The following FBXO25 variants were observed in gnomAD, a reference collection of about 807,000 sequenced individuals.
FBXO25 encodes F-box protein 25, also known as F-box only protein 25.
A neutral mutation model predicts 51.9 loss-of-function variants in FBXO25; 45 were observed. The observed-to-expected ratio is 0.87, with a 90% CI of 0.68 to 1.11. The LOEUF is 1.11. FBXO25 is among the 50% of genes most tolerant of loss of function. The probability of loss-of-function intolerance (pLI) is 0.00; values close to 1 mark genes in which losing one functional copy is unlikely to be tolerated. For missense variants in FBXO25, 507 were observed against 428.5 expected (o/e 1.18, Z -1.62); for synonymous variants, 199 against 151.0 (o/e 1.32, Z -2.33).
chr8:468,601 C>G (rs10111550), intron 9 of FBXO25, 114 bp from the exon 10 acceptor site: 1 of 744,506 alleles, frequency 1.3e-6, no homozygotes, highest in Non-Finnish European at 2.3e-6. Flanking sequence ...CCATGTACCT[C>G]TGAGGTGGGG....
intron 5 of FBXO25, among the ~76,000 whole-genome samples, chr8:442,209 G>A (rs1218278199): frequency 6.6e-6 from 1 of 151,892 alleles, no homozygotes; most frequent in African/African-American, 2.4e-5. Context: ...GTAGGCACTT[G>A]TTATTCCTAA....
chr8:474,894 C>G lies in FBXO25; in HGVS notation c.*6090C>G, dbSNP rs117701269. ...TCATATCTAAGAAATCACTGCCTCA[C>G]CCTTTTCAGATATATCATTTTAAAA... On this transcript the variant is annotated 3_prime_UTR_variant, in exon 10 of 10. Transcript: ENST00000350302. The G allele has an allele frequency of 1.7e-4, 78 of 447,592 alleles. 3 individuals carry two copies. In the East Asian group the frequency reaches 5.4e-3, roughly 31 times the overall value. 27.7% of individuals were successfully genotyped at this position (447,592 alleles called of 1,614,324 possible). A position where few individuals can be genotyped will look rare whatever the true frequency, so the allele number is the denominator to read the frequency against.
intron 1 of FBXO25, among the ~76,000 whole-genome samples, chr8:410,936 G>A (rs913059920): frequency 2.6e-5 from 4 of 152,096 alleles, no homozygotes; most frequent in Non-Finnish European, 5.9e-5. Context: ...GTTGATCCAG[G>A]AATATTGTTG....
intron 7 of FBXO25, 68 bp from the exon 8 acceptor site, chr8:458,301 T>C: frequency 6.6e-7 from 1 of 1,525,334 alleles, no homozygotes; most frequent in Non-Finnish European, 9.0e-7. Flanking sequence ...CCAGCTTGAC[T>C]CTTCAGTTAC....
At position 476,675 on chromosome 8, in the gene FBXO25, C is replaced by T. The variant is rs1337194660; in HGVS notation, c.*7871C>T. 6.6e-6 allele frequency: 1 copy of T among 152,040 alleles called. No homozygotes were observed. Among genetic ancestry groups the T allele is most frequent in the Non-Finnish European group, 1.5e-5 (1 of 67,994 alleles). 9.4% of individuals were successfully genotyped at this position (152,040 alleles called of 1,614,324 possible). On this transcript the variant is annotated 3_prime_UTR_variant, in exon 10 of 10. Coordinates refer to ENST00000350302, the MANE Select transcript of FBXO25 (RefSeq NM_183420.2). ...ATAGTACTCTTAATCCTTTTTATTT[C>T]TGTAAAATCAGTTGTAATGTCTCCT... is the stretch of plus-strand genomic sequence containing the variant.
intron 1 of FBXO25, among the ~76,000 whole-genome samples, chr8:411,588 A>C (rs1796485760): frequency 6.6e-6 from 1 of 152,198 alleles, no homozygotes; most frequent in Non-Finnish European, 1.5e-5. Flanking sequence ...ATAAATACTT[A>C]TAGAGCTCCT....
intron 1 of FBXO25, 129 bp from the exon 2 acceptor site, chr8:412,944 C>T (rs977910987): frequency 1.8e-5 from 16 of 897,716 alleles, no homozygotes; most frequent in African/African-American, 5.3e-5. Flanking sequence ...AATGTCGAGC[C>T]AACGTTTAAT....
chr8:461,850 A>G (rs1799838465), intron 8 of FBXO25, among the ~76,000 whole-genome samples: 2 of 152,230 alleles, frequency 1.3e-5, no homozygotes, highest in African/African-American at 2.4e-5. Context: ...TCAAGACTGA[A>G]TAATATCCCC....
chr8:441,389 C>T (rs1324411347), intron 5 of FBXO25, among the ~76,000 whole-genome samples: 6 of 152,158 alleles, frequency 3.9e-5, no homozygotes, highest in African/African-American at 1.4e-4. Flanking sequence ...AAGACTTAAA[C>T]ATAAGACCTA....
rs1798984376 is a variant in FBXO25 at position 450,079 on chromosome 8, A to G, written c.471A>G (p.Gln157=). 3 of 1,607,210 alleles carry G rather than the reference A, an allele frequency of 1.9e-6. No individual in the cohort carries two copies. The highest frequency in any genetic ancestry group is 1.7e-5 in the Admixed American group (1 of 59,558). ...TCAACATTTTGGATAAAATCGTTCA[A>G]AAGGGTAAGATGATCACTGTATTTT... ...NYFNILDKIV[Q]KVLDDHHNPR... is the part of the protein sequence containing the mutation. Residue 157 remains glutamine (Q), a synonymous_variant, in exon 6 of 10, where the codon CAA becomes CAG. Coordinates refer to ENST00000350302, the MANE Select transcript of FBXO25 (RefSeq NM_183420.2).
At chr8:465,240 C>G (rs1800076150) in intron 9 of FBXO25, among the ~76,000 whole-genome samples, 1 of 152,168 alleles carries the variant, frequency 6.6e-6, no homozygotes, top group Non-Finnish European at 1.5e-5. Context: ...CTGTTCTTCT[C>G]TGAAATATTA....
At chr8:451,553 G>T in intron 7 of FBXO25, 100 bp downstream of exon 7, 3 of 1,125,638 alleles carry the variant, frequency 2.7e-6, no homozygotes. Context: ...CTTTTTGAAA[G>T]ATTTTCTAAT....
rs562295094 is a variant in FBXO25 at position 420,380 on chromosome 8, T to G, written c.134+7167T>G. 139 of 152,348 alleles carry G rather than the reference T, an allele frequency of 9.1e-4. 1 individual carries two copies. Among genetic ancestry groups the G allele is most frequent in the African/African-American group, 3.0e-3 (124 of 41,578 alleles). The allele number at this position is 152,348 out of a possible 1,614,324, so 9.4% of individuals were successfully genotyped here. A position where few individuals can be genotyped will look rare whatever the true frequency, so the allele number is the denominator to read the frequency against. ...ATGGCACAGCCACTCTGGAAAACAG[T>G]GTGGCAGCTTCTTACTGTGTTACAC... On this transcript the variant is annotated intron_variant, in intron 2 of 9. Coordinates refer to ENST00000350302, the MANE Select transcript of FBXO25 (RefSeq NM_183420.2).
intron 5 of FBXO25, among the ~76,000 whole-genome samples, chr8:439,286 G>C (rs184125512): frequency 6.6e-6 from 1 of 152,318 alleles, no homozygotes; most frequent in African/African-American, 2.4e-5. Flanking sequence ...AGCCAGGCAC[G>C]AACAGCCCGA....
In FBXO25 at chr8:475,019, C is replaced by G. The variant is rs568717271; in HGVS notation, c.*6215C>G. The G allele has an allele frequency of 1.9e-4, 76 of 403,530 alleles. No individual in the cohort carries two copies. Among genetic ancestry groups the G allele is most frequent in the African/African-American group, 1.5e-3 (71 of 47,844 alleles). The allele number at this position is 403,530 out of a possible 1,614,324, so 25.0% of individuals were successfully genotyped here. ...AGTTACCTGTGTGTGCCTCTGGTGTCATATCTAAGAAATCACTGCCAAATC... is the reference window on the plus strand; with the variant it reads ...AGTTACCTGTGTGTGCCTCTGGTGTGATATCTAAGAAATCACTGCCAAATC... On this transcript the variant is annotated 3_prime_UTR_variant, in exon 10 of 10. Coordinates refer to ENST00000350302, the MANE Select transcript of FBXO25 (RefSeq NM_183420.2).
chr8:470,316 G>T lies in FBXO25; in HGVS notation c.*1512G>T, dbSNP rs937637320. The T allele has an allele frequency of 2.6e-5, 4 of 151,962 alleles. No homozygotes were observed. Among genetic ancestry groups the T allele is most frequent in the Non-Finnish European group, 5.9e-5 (4 of 67,998 alleles). 9.4% of individuals were successfully genotyped at this position (151,962 alleles called of 1,614,324 possible). A position where few individuals can be genotyped will look rare whatever the true frequency, so the allele number is the denominator to read the frequency against. ...CATCATGAGTCAAACATATTTTAAGGCTTTTAAATATATTTCTAGATTGTT... is the reference window on the plus strand; with the variant it reads ...CATCATGAGTCAAACATATTTTAAGTCTTTTAAATATATTTCTAGATTGTT... On this transcript the variant is annotated 3_prime_UTR_variant, in exon 10 of 10. Transcript: ENST00000350302.
intron 7 of FBXO25, among the ~76,000 whole-genome samples, chr8:453,770 G>C (rs1214348790): frequency 6.6e-6 from 1 of 152,156 alleles, no homozygotes; most frequent in Non-Finnish European, 1.5e-5. Flanking sequence ...TATAGGGCCA[G>C]CTTTCTCCAG....
Position 472,615 on chromosome 8 carries a change from G to C in FBXO25, c.*3811G>C, listed in dbSNP as rs150554864. ...CCTCTTCTGTGTTTTGGAAGTGTTT[G>C]TGGTGGTTTCTTGTTAATTCTTCTT... On this transcript the variant is annotated 3_prime_UTR_variant, in exon 10 of 10. Coordinates refer to ENST00000350302, the MANE Select transcript of FBXO25 (RefSeq NM_183420.2). 2 of 150,672 alleles carry C rather than the reference G, an allele frequency of 1.3e-5. No homozygotes were observed. Among genetic ancestry groups the C allele is most frequent in the Non-Finnish European group, 2.9e-5 (2 of 67,822 alleles). 9.3% of individuals were successfully genotyped at this position (150,672 alleles called of 1,614,324 possible).
At position 477,940 on chromosome 8, in the gene FBXO25, A is replaced by G. The variant is rs575743631; in HGVS notation, c.*9136A>G. The G allele has an allele frequency of 6.6e-6, 1 of 152,246 alleles. No homozygotes were observed. The highest frequency in any genetic ancestry group is 2.1e-4 in the South Asian group (1 of 4,832). 9.4% of individuals were successfully genotyped at this position (152,246 alleles called of 1,614,324 possible). A position where few individuals can be genotyped will look rare whatever the true frequency, so the allele number is the denominator to read the frequency against. On this transcript the variant is annotated 3_prime_UTR_variant, in exon 10 of 10. Coordinates refer to ENST00000350302, the MANE Select transcript of FBXO25 (RefSeq NM_183420.2). ...ATTTATACTTTTGTATCTATTTGAC[A>G]TTTTCCATTAAAAGTTATATAACAC...
Sources: gnomAD v4.1 joint callset for allele counts (sites outside exome capture counted in the v4.1 genomes callset) on GRCh38, gnomAD v4.1.1 for gene constraint, MANE v1.5 for transcripts, NCBI Gene and HGNC (gene_info 2026-07-23, HGNC 2026-07-21) for gene names.